The following GALNT6 variants were observed in gnomAD, a reference collection of about 807,000 sequenced individuals.
GALNT6 encodes polypeptide N-acetylgalactosaminyltransferase 6, also known as GalNAc transferase 6.
Under a neutral mutation model 65.9 loss-of-function variants are expected in GALNT6, and 51 were observed. The observed-to-expected ratio is 0.77, with a 90% CI of 0.62 to 0.98. The LOEUF (loss-of-function observed/expected upper bound fraction) is 0.98. Among genes scored for constraint, GALNT6 ranks in the 50% least tolerant of loss-of-function variants. The pLI is 0.00. For missense variants in GALNT6, 708 were observed against 803.3 expected (o/e 0.88, Z 1.43); for synonymous variants, 323 against 315.1 (o/e 1.02, Z -0.26).
intron 4 of GALNT6, among the ~76,000 whole-genome samples, chr12:51,371,540 C>T (rs944588389): frequency 1.2e-4 from 18 of 152,282 alleles, no homozygotes; most frequent in Admixed American, 9.2e-4. Flanking sequence ...CTGGCTACTC[C>T]GGTGAAAAGA....
chr12:51,365,236 G>A (rs970349772), intron 5 of GALNT6, among the ~76,000 whole-genome samples, 194 bp downstream of exon 5: 2 of 152,144 alleles, frequency 1.3e-5, no homozygotes, highest in Non-Finnish European at 2.9e-5. Flanking sequence ...GTTGTTTTAG[G>A]GATGTTTGTC....
chr12:51,358,360 G>T, intron 8 of GALNT6, 99 bp from the exon 9 acceptor site: 1 of 1,380,022 alleles, frequency 7.2e-7, no homozygotes, highest in Non-Finnish European at 9.9e-7. Context: ...GAGTGCAGTG[G>T]TGCAATCTCG....
At chr12:51,356,784 T>G (rs1286849394) in intron 10 of GALNT6, among the ~76,000 whole-genome samples, 1 of 152,218 alleles carries the variant, frequency 6.6e-6, no homozygotes, top group Non-Finnish European at 1.5e-5. Context: ...AAATAAAAAA[T>G]GTTCTCCAGT....
At chr12:51,368,570 AATTTTTTGT>A in intron 4 of GALNT6, among the ~76,000 whole-genome samples, 1 of 151,412 alleles carries the variant, frequency 6.6e-6, no homozygotes, top group East Asian at 1.9e-4. Flanking sequence ...ACGCCCCGCT[AATTTTTTGT>A]ATTTTTTGTG....
chr12:51,382,060 C>T (rs1359371001), intron 2 of GALNT6, among the ~76,000 whole-genome samples: 1 of 152,198 alleles, frequency 6.6e-6, no homozygotes, highest in Non-Finnish European at 1.5e-5. Context: ...GACTGGGGTA[C>T]AAATGTGGCT....
intron 4 of GALNT6, among the ~76,000 whole-genome samples, chr12:51,367,786 G>A (rs1042185521): frequency 1.3e-5 from 2 of 152,232 alleles, no homozygotes; most frequent in Non-Finnish European, 2.9e-5. Context: ...GTGTGTGCCG[G>A]TGTGGGTGAG....
At chr12:51,361,151 A>G (rs775443577) in intron 6 of GALNT6, among the ~76,000 whole-genome samples, 4 of 152,226 alleles carry the variant, frequency 2.6e-5, no homozygotes, top group South Asian at 4.1e-4. Flanking sequence ...ACGGAGAAAG[A>G]CAGATCCTAT....
intron 4 of GALNT6, 25 bp from the exon 5 acceptor site, chr12:51,365,604 C>CATACAGTGTCATACAGTGTCATA: frequency 4.4e-6 from 7 of 1,609,118 alleles, no homozygotes; most frequent in Non-Finnish European, 5.1e-6. Context: ...GTCATTGTGG[C>CATACAGTGTCATACAGTGTCATA]CAGTCCACCA....
chr12:51,369,970 C>T (rs1363594482), intron 4 of GALNT6, among the ~76,000 whole-genome samples: 2 of 152,146 alleles, frequency 1.3e-5, no homozygotes, highest in African/African-American at 4.8e-5. Context: ...ACAGCGGCTT[C>T]AAATTGTATT....
chr12:51,367,547 C>T (rs548730758), intron 4 of GALNT6, among the ~76,000 whole-genome samples: 3 of 152,226 alleles, frequency 2.0e-5, no homozygotes, highest in African/African-American at 2.4e-5. Context: ...ATCTCTGCCA[C>T]GGTTCTGTTC....
At chr12:51,357,491 G>T in intron 9 of GALNT6, 41 bp from the exon 10 acceptor site, 2 of 1,447,864 alleles carry the variant, frequency 1.4e-6, no homozygotes, top group Non-Finnish European at 1.9e-6. Context: ...GGATGGCACA[G>T]TCAGGAGGTT....
intron 8 of GALNT6, among the ~76,000 whole-genome samples, chr12:51,358,896 C>T (rs1262572381): frequency 6.6e-6 from 1 of 152,074 alleles, no homozygotes; most frequent in Non-Finnish European, 1.5e-5. Flanking sequence ...ATCTCCTTTC[C>T]CTCCCTTCCC....
In GALNT6 at chr12:51,357,461, G is replaced by GGGAAGCAGAGAGGGGATC. The variant is rs763279445; in HGVS notation, c.1501-12_1501-11insGATCCCCTCTCTGCTTCC. ...GCCGAGGTTCTTGATCTGCAGAAGG[G>GGGAAGCAGAGAGGGGATC]TGAGCAGAGAGGGGAAGCAGGATGG... On this transcript the variant is annotated splice_polypyrimidine_tract_variant and intron_variant, in intron 9 of 11. Transcript: ENST00000356317. The GGGAAGCAGAGAGGGGATC allele has an allele frequency of 6.6e-5, 106 of 1,599,658 alleles. 1 individual carries two copies. The South Asian group carries it at 1.0e-3, about 16-fold the overall frequency.
intron 4 of GALNT6, among the ~76,000 whole-genome samples, chr12:51,367,185 A>C (rs1326631185): frequency 6.6e-6 from 1 of 152,160 alleles, no homozygotes; most frequent in African/African-American, 2.4e-5. Context: ...TGAACTTGGG[A>C]GGCAGAGGTT....
chr12:51,381,664 T>A (rs1220428768), intron 2 of GALNT6, among the ~76,000 whole-genome samples: 2 of 152,216 alleles, frequency 1.3e-5, no homozygotes, highest in African/African-American at 4.8e-5. Context: ...ATTTACTTAA[T>A]CCCTCTAAGC....
At chr12:51,354,709 T>C (rs1946694834) in intron 11 of GALNT6, among the ~76,000 whole-genome samples, 1 of 151,862 alleles carries the variant, frequency 6.6e-6, no homozygotes, top group African/African-American at 2.4e-5. Flanking sequence ...TCAGACTGAG[T>C]GGATGAAATG....
At chr12:51,370,297 C>G (rs549389325) in intron 4 of GALNT6, among the ~76,000 whole-genome samples, 79 of 152,354 alleles carry the variant, frequency 5.2e-4, no homozygotes, top group Non-Finnish European at 8.8e-4. Context: ...GTAATCTCAG[C>G]ACTTTGGGAG....
In GALNT6 at chr12:51,377,384, A is replaced by G. The variant is rs756379234; in HGVS notation, c.492-17T>C. On this transcript the variant is annotated splice_polypyrimidine_tract_variant and intron_variant, in intron 3 of 11. Coordinates refer to ENST00000356317, the MANE Select transcript of GALNT6 (RefSeq NM_007210.4). The stretch of plus-strand genomic sequence containing the variant: ...TCCACACACCTGGAAGTATGAAAGT[A>G]CGGACAAAGTTCTCCTGGTCCCTGG... 10 of 1,611,100 alleles carry G rather than the reference A, an allele frequency of 6.2e-6. No homozygotes were observed. The highest frequency in any genetic ancestry group is 8.5e-6 in the Non-Finnish European group (10 of 1,179,378).
chr12:51,366,637 C>T (rs1947116183), intron 4 of GALNT6, among the ~76,000 whole-genome samples: 1 of 152,124 alleles, frequency 6.6e-6, no homozygotes, highest in African/African-American at 2.4e-5. Flanking sequence ...CAGGCAATTC[C>T]AGGGCAGGTG....
Sources: allele counts gnomAD v4.1 joint callset (sites outside exome capture counted in the v4.1 genomes callset), GRCh38; gene constraint gnomAD v4.1.1; transcripts MANE v1.5; gene names NCBI Gene and HGNC (gene_info 2026-07-23, HGNC 2026-07-21).